PPP1R42: variants seen among roughly 807,000 people sequenced by gnomAD.
PPP1R42 encodes protein phosphatase 1 regulatory subunit 42.
A neutral mutation model predicts 31.0 loss-of-function variants in PPP1R42; 34 were observed. The observed-to-expected ratio is 1.10, with a 90% CI of 0.83 to 1.46. The LOEUF is 1.46. PPP1R42 is among the 40% of genes most tolerant of loss of function. The pLI is 0.00. For synonymous variants in PPP1R42, 103 were observed against 109.8 expected, an observed-to-expected ratio of 0.94 and a Z score of 0.39; for missense variants, 268 against 303.0, an observed-to-expected ratio of 0.88 and a Z score of 0.86.
intron 7 of PPP1R42, among the ~76,000 whole-genome samples, chr8:66,979,967 G>T (rs986513204): frequency 6.6e-6 from 1 of 152,000 alleles, no homozygotes; most frequent in South Asian, 2.1e-4. Context: ...CCCAATTCTG[G>T]GGTGAGGGCT....
At chr8:67,024,070 C>T (rs776216260) in intron 1 of PPP1R42, among the ~76,000 whole-genome samples, 9 of 151,730 alleles carry the variant, frequency 5.9e-5, no homozygotes, top group Admixed American at 3.9e-4. Context: ...CACTTGAACC[C>T]GTTAGGAGGA....
chr8:66,971,373 T>C (rs912129603), intron 7 of PPP1R42, among the ~76,000 whole-genome samples: 1 of 152,194 alleles, frequency 6.6e-6, no homozygotes, highest in Non-Finnish European at 1.5e-5. Context: ...ATGCCAACAT[T>C]AATATAAACA....
At chr8:66,990,302 TATAG>T (rs1815152758) in intron 5 of PPP1R42, among the ~76,000 whole-genome samples, 1 of 145,962 alleles carries the variant, frequency 6.9e-6, no homozygotes, top group South Asian at 2.1e-4. Flanking sequence ...GTTAAATTAA[TATAG>T]ATAAAGAGTG....
At chr8:66,974,366 C>T (rs1814614950) in intron 7 of PPP1R42, among the ~76,000 whole-genome samples, 2 of 152,006 alleles carry the variant, frequency 1.3e-5, no homozygotes, top group African/African-American at 2.4e-5. Flanking sequence ...ACCAGTCTGA[C>T]CAATATGGTG....
chr8:66,994,886 G>A (rs2130939801), intron 5 of PPP1R42, among the ~76,000 whole-genome samples: 1 of 152,266 alleles, frequency 6.6e-6, no homozygotes, highest in South Asian at 2.1e-4. Flanking sequence ...AACTACACTA[G>A]TTATTTCCTG....
At chr8:66,989,038 T>A (rs540351625) in intron 5 of PPP1R42, among the ~76,000 whole-genome samples, 29 of 152,326 alleles carry the variant, frequency 1.9e-4, no homozygotes, top group African/African-American at 6.7e-4. Context: ...ATGCTTATCA[T>A]GCAAAGATCA....
intron 1 of PPP1R42, among the ~76,000 whole-genome samples, chr8:67,018,700 A>G (rs1337043521): frequency 7.0e-6 from 1 of 141,886 alleles, no homozygotes; most frequent in Non-Finnish European, 1.5e-5. Context: ...TTTAGTAGAG[A>G]TGGGGTTTCA....
At chr8:66,991,032 A>G (rs553715480) in intron 5 of PPP1R42, among the ~76,000 whole-genome samples, 23 of 152,230 alleles carry the variant, frequency 1.5e-4, no homozygotes, top group Non-Finnish European at 2.9e-5. Context: ...TCCCTCATTC[A>G]TACTGAAGAT....
chr8:67,007,035 G>A (rs1362545569), intron 5 of PPP1R42, among the ~76,000 whole-genome samples: 3 of 150,662 alleles, frequency 2.0e-5, no homozygotes, highest in Non-Finnish European at 4.4e-5. Context: ...AAGCCACTGC[G>A]CCCGGCCTCT....
chr8:66,965,163 A>T (rs1485304317), intron 7 of PPP1R42, among the ~76,000 whole-genome samples: 1 of 151,090 alleles, frequency 6.6e-6, no homozygotes, highest in African/African-American at 2.4e-5. Context: ...GATGTACCAC[A>T]GTTTGTTTAT....
chr8:66,977,203 T>C (rs1814702072), intron 7 of PPP1R42, among the ~76,000 whole-genome samples: 1 of 152,028 alleles, frequency 6.6e-6, no homozygotes, highest in South Asian at 2.1e-4. Context: ...CAGCTAATTT[T>C]TTTTGTATTT....
intron 1 of PPP1R42, among the ~76,000 whole-genome samples, chr8:67,019,127 C>A (rs1438596916): frequency 6.7e-6 from 1 of 150,348 alleles, no homozygotes; most frequent in Non-Finnish European, 1.5e-5. Context: ...TGAGCCACTG[C>A]GCCCGAGCCA....
chr8:67,012,776 A>T, intron 4 of PPP1R42, 182 bp downstream of exon 4: 1 of 447,260 alleles, frequency 2.2e-6, no homozygotes, highest in Non-Finnish European at 3.8e-6. Context: ...CCCACTTTAT[A>T]AATGCTGAGT....
chr8:66,982,410 C>A (rs892794657), intron 6 of PPP1R42, among the ~76,000 whole-genome samples: 1 of 152,080 alleles, frequency 6.6e-6, no homozygotes, highest in African/African-American at 2.4e-5. Flanking sequence ...ATGGAAATAT[C>A]ATTAAATAAA....
In PPP1R42 at chr8:67,010,490, A is replaced by T. The variant is rs565944515; in HGVS notation, c.552+225T>A. On this transcript the variant is annotated intron_variant, in intron 5 of 7. Coordinates refer to ENST00000685739, the MANE Select transcript of PPP1R42 (RefSeq NM_001364910.1). ...TACTTCCCTTCTCAGAGAAACTATT[A>T]TTCTGTTGGTGAGGGATACAGGTAT... 5 of 415,786 alleles carry T rather than the reference A, an allele frequency of 1.2e-5. 1 individual carries two copies. The South Asian group carries it at 1.6e-4, about 13-fold the overall frequency. The allele number at this position is 415,786 out of a possible 1,614,324, so 25.8% of individuals were successfully genotyped here. A position where few individuals can be genotyped will look rare whatever the true frequency, so the allele number is the denominator to read the frequency against.
rs934199193 is a variant in PPP1R42, at chr8:66,971,122, T to C, written c.803-6788A>G. The stretch of plus-strand genomic sequence containing the variant: ...TGGGTAATAAACAGGAACTATATGA[T>C]GCATTGTTTTGAAGTTACCTGTAGC... On this transcript the variant is annotated intron_variant, in intron 7 of 7. Transcript: ENST00000685739. 52 of 1,520,646 alleles carry C rather than the reference T, an allele frequency of 3.4e-5. No homozygotes were observed. In the Admixed American group the frequency reaches 9.0e-4, roughly 26 times the overall value. The allele number at this position is 1,520,646 out of a possible 1,614,324, so 94.2% of individuals were successfully genotyped here. A position where few individuals can be genotyped will look rare whatever the true frequency, so the allele number is the denominator to read the frequency against.
chr8:67,010,908 G>C (rs971934001), intron 4 of PPP1R42, 77 bp from the exon 5 acceptor site: 43 of 1,358,668 alleles, frequency 3.2e-5, no homozygotes, highest in African/African-American at 4.5e-5. Context: ...CCTAATCTTT[G>C]AAAAGTTTAA....
chr8:66,966,538 C>A (rs553987641), intron 7 of PPP1R42, among the ~76,000 whole-genome samples: 1 of 152,292 alleles, frequency 6.6e-6, no homozygotes, highest in East Asian at 1.9e-4. Context: ...GTAATCCCCC[C>A]ACTTTGGGAG....
chr8:66,967,265 C>T (rs1408211175), intron 7 of PPP1R42, among the ~76,000 whole-genome samples: 1 of 152,180 alleles, frequency 6.6e-6, no homozygotes, highest in African/African-American at 2.4e-5. Flanking sequence ...CATGAGCCAC[C>T]TCACCCAGCC....
Sources: allele counts gnomAD v4.1 joint callset (sites outside exome capture counted in the v4.1 genomes callset), GRCh38; gene constraint gnomAD v4.1.1; transcripts MANE v1.5; gene names NCBI Gene and HGNC (gene_info 2026-07-23, HGNC 2026-07-21).